Variants in IMPA2 observed in about 807,000 individuals in gnomAD.
IMPA2 encodes IMP 2.
In IMPA2, 32 loss-of-function variants were observed where a neutral mutation model predicts 35.1. That is an observed-to-expected ratio of 0.91 (90% CI 0.69 to 1.23). IMPA2 has a LOEUF of 1.23. Among genes scored for constraint, IMPA2 ranks in the 50% most tolerant of loss-of-function variants. The pLI is 0.00. For missense variants in IMPA2, 334 were observed against 387.6 expected, an observed-to-expected ratio of 0.86 and a Z score of 1.16; for synonymous variants, 135 against 160.6, an observed-to-expected ratio of 0.84 and a Z score of 1.20.
Position 12,030,848 on chromosome 18 carries a change from C to T in IMPA2, c.*390C>T. On this transcript the variant is annotated 3_prime_UTR_variant, in exon 8 of 8. Coordinates refer to ENST00000269159, the MANE Select transcript of IMPA2 (RefSeq NM_014214.3). ...GTTCTCAGGCCCTCCCCCCGGAGTA[C>T]TTCAGAATGCAATAAATCAAAATAA... 5.2e-6 allele frequency: 1 copy of T among 193,970 alleles called. No homozygotes were observed. The allele number at this position is 193,970 out of a possible 1,614,324, so 12.0% of individuals were successfully genotyped here.
intron 2 of IMPA2, among the ~76,000 whole-genome samples, chr18:12,000,906 C>T (rs897447208): frequency 6.7e-6 from 1 of 148,778 alleles, no homozygotes; most frequent in Non-Finnish European, 1.5e-5. Context: ...TGATCCACTA[C>T]GCCCGGCCCC....
At chr18:12,022,627 T>C (rs564925527) in intron 5 of IMPA2, among the ~76,000 whole-genome samples, 1 of 148,280 alleles carries the variant, frequency 6.7e-6, no homozygotes, top group Non-Finnish European at 1.5e-5. Context: ...AATACAAAAA[T>C]CATAGTAATT....
At chr18:12,000,654 C>T (rs574295818) in intron 2 of IMPA2, among the ~76,000 whole-genome samples, 3 of 131,450 alleles carry the variant, frequency 2.3e-5, no homozygotes, top group South Asian at 2.4e-4. Context: ...CTTGCTCTGG[C>T]GTCCAGGCTG....
chr18:12,007,425 C>A (rs72873569), intron 2 of IMPA2, among the ~76,000 whole-genome samples: 21,912 of 152,090 alleles, frequency 0.14, 1,810 homozygotes, highest in African/African-American at 0.22. Context: ...CATTCACACT[C>A]AAGTCTCCAG....
chr18:12,012,330 T>C (rs1283132139), intron 4 of IMPA2, 115 bp downstream of exon 4: 1 of 843,520 alleles, frequency 1.2e-6, no homozygotes, highest in East Asian at 2.4e-5. Flanking sequence ...GCCTTAATCA[T>C]GACTGGCAAA....
chr18:11,999,734 C>G (rs1402499763), intron 2 of IMPA2, among the ~76,000 whole-genome samples: 1 of 152,274 alleles, frequency 6.6e-6, no homozygotes, highest in African/African-American at 2.4e-5. Context: ...AGAGCTGTCC[C>G]TGCAAGAGGC....
At chr18:12,009,204 G>A (rs1235627235) in intron 2 of IMPA2, among the ~76,000 whole-genome samples, 1 of 152,206 alleles carries the variant, frequency 6.6e-6, no homozygotes, top group Non-Finnish European at 1.5e-5. Flanking sequence ...TTGGATCCAG[G>A]AGTTTGAGGC....
At chr18:11,985,900 TGGAA>T (rs1459459041) in intron 1 of IMPA2, among the ~76,000 whole-genome samples, 1 of 152,182 alleles carries the variant, frequency 6.6e-6, no homozygotes, top group African/African-American at 2.4e-5. Context: ...CAAAGTCTGA[TGGAA>T]GGACAGTTTA....
chr18:12,010,426 T>TG lies in IMPA2; in HGVS notation c.335+441dup, dbSNP rs1188375999. On this transcript the variant is annotated intron_variant, in intron 3 of 7. Coordinates refer to ENST00000269159, the MANE Select transcript of IMPA2 (RefSeq NM_014214.3). This position sits in a 1 kb window ranked among gnomAD's most constrained non-coding sequence, Gnocchi z 4.8. The stretch of plus-strand genomic sequence containing the variant: ...GCTTCCTGTATGAGAGCAAACCTTG[T>TG]GGTTACAAAAAGCAGGAGGTTTGGG... Among the ~76,000 whole-genome samples, 8 of 152,082 alleles carry TG rather than the reference T, an allele frequency of 5.3e-5. No individual in the cohort carries two copies. The highest frequency in any genetic ancestry group is 1.9e-4 in the African/African-American group (8 of 41,482).
At chr18:12,020,141 G>T (rs1346941095) in intron 5 of IMPA2, among the ~76,000 whole-genome samples, 1 of 152,002 alleles carries the variant, frequency 6.6e-6, no homozygotes, top group African/African-American at 2.4e-5. Flanking sequence ...CTCAAGTGCT[G>T]GGATTACAGG....
intron 2 of IMPA2, among the ~76,000 whole-genome samples, chr18:12,000,407 CT>C (rs5823190): frequency 0.22 from 29,743 of 135,950 alleles, 3,681 homozygotes; most frequent in East Asian, 0.37. Flanking sequence ...CACTTACCTT[CT>C]TTTTTTTTCC....
chr18:12,026,398 A>G (rs994489953), intron 5 of IMPA2, among the ~76,000 whole-genome samples: 2 of 152,244 alleles, frequency 1.3e-5, no homozygotes, highest in Non-Finnish European at 2.9e-5. Context: ...TCAGTATTGT[A>G]TATAGTATTT....
chr18:12,010,471 TG>T lies in IMPA2; in HGVS notation c.335+488del, dbSNP rs1373673749. ...TTTGGGGAGGTCAGAAGGGCCCGTG[TG>T]GGGAGGTGAAGGGAATGGAGCTTCG... On this transcript the variant is annotated intron_variant, in intron 3 of 7. Transcript: ENST00000269159. The surrounding 1 kb of genome is among the most constrained non-coding windows in gnomAD (Gnocchi z 4.8). 6.6e-6 allele frequency among the ~76,000 whole-genome samples: 1 copy of T among 152,000 alleles called. No individual in the cohort carries two copies. Among genetic ancestry groups the T allele is most frequent in the Non-Finnish European group, 1.5e-5 (1 of 67,984 alleles).
intron 5 of IMPA2, chr18:12,017,654 T>C: frequency 2.5e-6 from 1 of 407,966 alleles, no homozygotes; most frequent in Non-Finnish European, 4.8e-6. Flanking sequence ...GGTGGTGCAG[T>C]CTTGGCTCAC....
Position 12,028,896 on chromosome 18 carries a change from C to G in IMPA2, c.654C>G (p.Ala218=). The G allele has an allele frequency of 6.2e-7, 1 of 1,614,136 alleles. No individual in the cohort carries two copies. Among genetic ancestry groups the G allele is most frequent in the Non-Finnish European group, 8.5e-7 (1 of 1,180,024 alleles). The change falls in exon 7 of 8, where the codon GCC becomes GCG. Residue 218 remains alanine, a synonymous_variant. Coordinates refer to ENST00000269159, the MANE Select transcript of IMPA2 (RefSeq NM_014214.3). ...TLALCHLASG[A]ADAYYQFGLH... is the part of the protein sequence containing the mutation. ...CACTCTGCCACCTGGCCTCAGGGGC[C>G]GCGGATGCCTATTACCAGTTTGGCC...
intron 1 of IMPA2, among the ~76,000 whole-genome samples, chr18:11,983,506 A>G (rs1906566034): frequency 6.6e-6 from 1 of 152,224 alleles, no homozygotes; most frequent in Non-Finnish European, 1.5e-5. Flanking sequence ...TTAAAATTTT[A>G]TGTTATTATT....
In IMPA2 at chr18:12,001,854, G is replaced by A. The variant is rs57319193; in HGVS notation, c.230+2667G>A. 9.7e-3 allele frequency among the ~76,000 whole-genome samples: 1,480 copies of A among 152,324 alleles called. 25 individuals are homozygous for A. The highest frequency in any genetic ancestry group is 0.033 in the African/African-American group (1,391 of 41,564). On this transcript the variant is annotated intron_variant, in intron 2 of 7. Transcript: ENST00000269159. ...CACACCTGTCCAGGAATCAGTGATT[G>A]AAATCTGGGGTTCCCAAGCTCTAGC...
intron 1 of IMPA2, 52 bp downstream of exon 1, chr18:11,981,817 C>A: frequency 8.7e-7 from 1 of 1,143,878 alleles, no homozygotes. Context: ...AGCGCGTGGG[C>A]CTTGGGAGCC....
At chr18:12,008,820 G>C (rs1907351484) in intron 2 of IMPA2, among the ~76,000 whole-genome samples, 1 of 152,206 alleles carries the variant, frequency 6.6e-6, no homozygotes, top group African/African-American at 2.4e-5. Context: ...GTCTCGGTCA[G>C]GTTCCTAGCA....
Sources: allele counts gnomAD v4.1 joint callset (sites outside exome capture counted in the v4.1 genomes callset), GRCh38; gene constraint gnomAD v4.1.1; non-coding constraint Gnocchi (gnomAD v3.1); transcripts MANE v1.5; gene names NCBI Gene and HGNC (gene_info 2026-07-23, HGNC 2026-07-21).